Variants in TMOD1 observed in about 807,000 individuals in gnomAD.
The protein encoded by TMOD1 is tropomodulin-1.
TMOD1 carries 17 observed loss-of-function variants against 40.6 expected under a neutral mutation model. The observed-to-expected ratio is 0.42, with a 90% CI of 0.29 to 0.63. TMOD1 has a LOEUF of 0.63. Ranked by LOEUF, TMOD1 falls within the 20% of genes least tolerant of loss-of-function variation. TMOD1 has a pLI of 0.22. For synonymous variants in TMOD1, 181 were observed against 175.0 expected, an observed-to-expected ratio of 1.03 and a Z score of -0.27; for missense variants, 391 against 447.6, an observed-to-expected ratio of 0.87 and a Z score of 1.14.
chr9:97,598,583 C>T (rs1237561567), intron 9 of TMOD1, among the ~76,000 whole-genome samples: 1 of 152,166 alleles, frequency 6.6e-6, no homozygotes, highest in Non-Finnish European at 1.5e-5. Context: ...ACCTCTTGTG[C>T]TCTTTGGGTT....
At chr9:97,574,903 C>G (rs1830897849) in intron 8 of TMOD1, among the ~76,000 whole-genome samples, 1 of 152,172 alleles carries the variant, frequency 6.6e-6, no homozygotes, top group Non-Finnish European at 1.5e-5. Flanking sequence ...TGTAAACGCA[C>G]CAGTCAGCAC....
At chr9:97,554,950 G>T (rs1040759273) in intron 4 of TMOD1, among the ~76,000 whole-genome samples, 1 of 152,192 alleles carries the variant, frequency 6.6e-6, no homozygotes, top group Non-Finnish European at 1.5e-5. Flanking sequence ...CCTGAGGAGT[G>T]AATGCGGAAA....
At chr9:97,522,450 T>G (rs1188838993) in intron 1 of TMOD1, among the ~76,000 whole-genome samples, 7 of 152,208 alleles carry the variant, frequency 4.6e-5, no homozygotes, top group Non-Finnish European at 1.0e-4. Context: ...TACTTATATC[T>G]GCAATGACCG....
chr9:97,519,181 C>G (rs999672976), intron 1 of TMOD1, among the ~76,000 whole-genome samples: 3 of 152,174 alleles, frequency 2.0e-5, no homozygotes, highest in African/African-American at 7.2e-5. Context: ...TTTAAAAGAG[C>G]CTTGTGTACT....
chr9:97,586,785 C>A (rs1587961293), intron 8 of TMOD1, among the ~76,000 whole-genome samples: 2 of 151,774 alleles, frequency 1.3e-5, no homozygotes, highest in South Asian at 2.1e-4. Flanking sequence ...CCGTCCGTCA[C>A]CCCTTTCTTT....
rs1412075120 is a variant in TMOD1, at chr9:97,565,972, T to C, written c.726+17T>C. 1.9e-6 allele frequency: 3 copies of C among 1,607,518 alleles called. No individual in the cohort carries two copies. The highest frequency in any genetic ancestry group is 1.7e-6 in the Non-Finnish European group (2 of 1,174,232). ...GTGGCGTATGTATGTACCTTTCTGT[T>C]CTGTTGCATTGTGGCTGGGGGCCTT... On this transcript the variant is annotated intron_variant, in intron 7 of 9. Transcript: ENST00000259365.
intron 2 of TMOD1, among the ~76,000 whole-genome samples, chr9:97,536,439 C>A (rs1830186035): frequency 6.6e-6 from 1 of 152,004 alleles, no homozygotes; most frequent in African/African-American, 2.4e-5. Flanking sequence ...AAAAGTGAGG[C>A]CACTTTGGTT....
rs774128773 is a variant in TMOD1, at chr9:97,502,285, G to A, written c.-49+482G>A. Among the ~76,000 whole-genome samples the A allele has an allele frequency of 6.6e-6, 1 of 152,182 alleles. No homozygotes were observed. Among genetic ancestry groups the A allele is most frequent in the Non-Finnish European group, 1.5e-5 (1 of 68,032 alleles). ...CCTGCAAGAGTCTGGGGGTGGGAGT[G>A]GGGGAGTAAAGGCTCGACTGGACGT... On this transcript the variant is annotated intron_variant, in intron 1 of 9. Coordinates refer to ENST00000259365, the MANE Select transcript of TMOD1 (RefSeq NM_003275.4). The surrounding 1 kb of genome is among the most constrained non-coding windows in gnomAD (Gnocchi z 6.1).
chr9:97,530,837 G>T (rs1177361647), intron 2 of TMOD1, among the ~76,000 whole-genome samples: 1 of 136,580 alleles, frequency 7.3e-6, no homozygotes, highest in Admixed American at 8.0e-5. Flanking sequence ...GCCCAGATTG[G>T]AGTGCAACGG....
At chr9:97,583,895 T>C (rs1191888968) in intron 8 of TMOD1, among the ~76,000 whole-genome samples, 2 of 151,006 alleles carry the variant, frequency 1.3e-5, no homozygotes, top group African/African-American at 4.9e-5. Flanking sequence ...TCTCTCTTTT[T>C]TTCTTTATTA....
intron 5 of TMOD1, 103 bp from the exon 6 acceptor site, chr9:97,563,935 C>G (rs4743109): frequency 0.2 from 286,927 of 1,413,364 alleles, 32,157 homozygotes; most frequent in South Asian, 0.4. Context: ...GCAGCCCTCA[C>G]GTGCCCCAAC....
chr9:97,545,487 G>A (rs1286739367), intron 2 of TMOD1, among the ~76,000 whole-genome samples: 1 of 152,216 alleles, frequency 6.6e-6, no homozygotes, highest in Non-Finnish European at 1.5e-5. Flanking sequence ...TATGTTTCTT[G>A]AGATACCCAT....
At chr9:97,553,189 AGG>A in intron 3 of TMOD1, 90 bp from the exon 4 acceptor site, 1 of 1,570,160 alleles carries the variant, frequency 6.4e-7, no homozygotes, top group Non-Finnish European at 8.7e-7. Flanking sequence ...AGGGACCCAC[AGG>A]GCTCTACAAT....
At chr9:97,580,986 A>ATTTTAT (rs1321983621) in intron 8 of TMOD1, among the ~76,000 whole-genome samples, 27 of 125,194 alleles carry the variant, frequency 2.2e-4, no homozygotes, top group Non-Finnish European at 4.4e-4. Flanking sequence ...ATTTTATTTT[A>ATTTTAT]TTTCTTTTTT....
intron 8 of TMOD1, among the ~76,000 whole-genome samples, chr9:97,576,635 T>G (rs570387978): frequency 6.6e-6 from 1 of 151,602 alleles, no homozygotes; most frequent in African/African-American, 2.4e-5. Context: ...GTTACTTTTT[T>G]TTTTTTTTCT....
In TMOD1 at chr9:97,599,666, C is replaced by T. The variant is rs1270013726; in HGVS notation, c.1048C>T (p.Pro350Ser). 6.2e-7 allele frequency: 1 copy of T among 1,614,136 alleles called. No homozygotes were observed. The highest frequency in any genetic ancestry group is 1.7e-5 in the Admixed American group (1 of 60,016). Reference sequence around the variant, plus strand: ...GAGGAGGCTTGCGGACCTGACTGGGCCCATCATTCCCAAGTGCCGGAGTGG... The same window carrying T: ...GAGGAGGCTTGCGGACCTGACTGGGTCCATCATTCCCAAGTGCCGGAGTGG... ...RKRRLADLTG[P>S]IIPKCRSGV Residue 350 changes from proline (P) to serine (S), a missense_variant, in exon 10 of 10, where the codon CCC (proline) becomes TCC (serine). Physicochemically the swap from Pro to Ser is moderately conservative, Grantham distance 74. Transcript: ENST00000259365.
In TMOD1 at chr9:97,524,141, G is replaced by T. The variant is rs1459204262; in HGVS notation, c.-48G>T. 6.2e-7 allele frequency: 1 copy of T among 1,600,830 alleles called. No individual in the cohort carries two copies. Among genetic ancestry groups the T allele is most frequent in the Non-Finnish European group, 8.5e-7 (1 of 1,174,066 alleles). On this transcript the variant is annotated splice_region_variant and 5_prime_UTR_variant, in exon 2 of 10. Transcript: ENST00000259365. ...TCTAAGGTTCTTGTCTTTCTGGTAG[G>T]TATTACTCAGCACAGAAATTCAGGA...
intron 2 of TMOD1, among the ~76,000 whole-genome samples, chr9:97,528,459 G>A (rs1830049469): frequency 6.6e-6 from 1 of 152,226 alleles, no homozygotes; most frequent in Non-Finnish European, 1.5e-5. Context: ...AAACCAGAGA[G>A]AGGATAGGAG....
At chr9:97,539,030 C>CA (rs533981274) in intron 2 of TMOD1, among the ~76,000 whole-genome samples, 1 of 150,354 alleles carries the variant, frequency 6.7e-6, no homozygotes, top group Non-Finnish European at 1.5e-5. Context: ...CAAAACAAAA[C>CA]AAACAAACAA....
Sources: gnomAD v4.1 joint callset for allele counts (sites outside exome capture counted in the v4.1 genomes callset) on GRCh38, gnomAD v4.1.1 for gene constraint, Gnocchi (gnomAD v3.1) non-coding constraint, MANE v1.5 for transcripts, NCBI Gene and HGNC (gene_info 2026-07-23, HGNC 2026-07-21) for gene names.